DPYD: variants seen among roughly 807,000 people sequenced by gnomAD.
The protein encoded by DPYD is dihydropyrimidine dehydrogenase [NADP(+)].
Under a neutral mutation model 116.2 loss-of-function variants are expected in DPYD, and 109 were observed. The observed-to-expected ratio is 0.94, with a 90% CI of 0.80 to 1.10. The LOEUF (loss-of-function observed/expected upper bound fraction) is 1.10, where lower values mean the gene tolerates loss of function less well. Among genes scored for constraint, DPYD ranks in the 50% least tolerant of loss-of-function variants. The pLI, the probability that DPYD is intolerant of heterozygous loss-of-function variation, is 0.00. For missense variants in DPYD, 1,302 were observed against 1,254.5 expected, an observed-to-expected ratio of 1.04 and a Z score of -0.57; for synonymous variants, 440 against 432.0, an observed-to-expected ratio of 1.02 and a Z score of -0.23.
chr1:97,843,994 GA>G (rs1394631861), intron 2 of DPYD, among the ~76,000 whole-genome samples: 2 of 152,082 alleles, frequency 1.3e-5, no homozygotes, highest in African/African-American at 4.8e-5. Flanking sequence ...TACAGGGAAA[GA>G]AAGGAGAATA....
At chr1:97,342,208 C>G (rs1669622886) in intron 16 of DPYD, among the ~76,000 whole-genome samples, 1 of 152,138 alleles carries the variant, frequency 6.6e-6, no homozygotes, top group Non-Finnish European at 1.5e-5. Context: ...AAAAATAGTA[C>G]TTTTGCTTAA....
intron 19 of DPYD, among the ~76,000 whole-genome samples, chr1:97,207,677 A>T (rs370766755): frequency 6.6e-6 from 1 of 152,190 alleles, no homozygotes; most frequent in Non-Finnish European, 1.5e-5. Flanking sequence ...TCACACATAT[A>T]TATTAAAGCA....
chr1:97,315,254 T>C (rs1464551164), intron 16 of DPYD, among the ~76,000 whole-genome samples: 3 of 151,894 alleles, frequency 2.0e-5, no homozygotes, highest in African/African-American at 4.8e-5. Flanking sequence ...CTTCCTCCTT[T>C]AGGTGTGCCT....
intron 19 of DPYD, among the ~76,000 whole-genome samples, chr1:97,205,264 T>C (rs1379979118): frequency 1.3e-5 from 2 of 152,118 alleles, no homozygotes; most frequent in African/African-American, 4.8e-5. Context: ...TAGAGTTTTA[T>C]ACAGAATAGC....
chr1:97,362,354 T>A (rs1670780225), intron 16 of DPYD, among the ~76,000 whole-genome samples: 1 of 152,124 alleles, frequency 6.6e-6, no homozygotes, highest in African/African-American at 2.4e-5. Context: ...GAAGAATCAA[T>A]ATCGTGAAAA....
At chr1:97,497,271 T>C (rs1038611794) in intron 13 of DPYD, among the ~76,000 whole-genome samples, 4 of 151,966 alleles carry the variant, frequency 2.6e-5, no homozygotes, top group African/African-American at 9.7e-5. Context: ...CTTTGAACTA[T>C]ATATAAACAG....
chr1:97,251,573 C>T (rs917280021), intron 18 of DPYD, among the ~76,000 whole-genome samples: 3 of 151,910 alleles, frequency 2.0e-5, no homozygotes, highest in Non-Finnish European at 4.4e-5. Flanking sequence ...TGTTAATGTT[C>T]GTAATCTCCA....
intron 20 of DPYD, among the ~76,000 whole-genome samples, chr1:97,125,295 A>G (rs1445726902): frequency 6.6e-6 from 1 of 152,106 alleles, no homozygotes; most frequent in Non-Finnish European, 1.5e-5. Context: ...CTTGTTTTCA[A>G]AAGACTATCT....
intron 19 of DPYD, among the ~76,000 whole-genome samples, chr1:97,206,094 G>C (rs978844248): frequency 6.6e-6 from 1 of 151,708 alleles, no homozygotes; most frequent in Admixed American, 6.6e-5. Context: ...AGATGCATAG[G>C]GCAAGGTATG....
At chr1:97,464,530 T>G (rs145441064) in intron 13 of DPYD, among the ~76,000 whole-genome samples, 1 of 152,200 alleles carries the variant, frequency 6.6e-6, no homozygotes, top group Admixed American at 6.5e-5. Context: ...CTCTGCTGTG[T>G]GCAGTCTAGG....
chr1:97,245,896 A>G (rs592609), intron 18 of DPYD, among the ~76,000 whole-genome samples: 91,883 of 151,878 alleles, frequency 0.6, 27,974 homozygotes, highest in East Asian at 0.72. Flanking sequence ...TCTCAGCAAC[A>G]CATTCTCTTT....
intron 8 of DPYD, among the ~76,000 whole-genome samples, chr1:97,596,817 C>T (rs1156447690): frequency 3.9e-5 from 6 of 152,300 alleles, no homozygotes; most frequent in South Asian, 2.1e-4. Context: ...CCAGCATCCC[C>T]TGAATCTCCT....
intron 19 of DPYD, among the ~76,000 whole-genome samples, chr1:97,227,881 A>T (rs76868125): frequency 0.01 from 1,574 of 152,142 alleles, 31 homozygotes; most frequent in African/African-American, 0.037. Context: ...GATATACAAT[A>T]TTTTGTGAAC....
intron 16 of DPYD, among the ~76,000 whole-genome samples, chr1:97,353,763 G>A (rs898811978): frequency 4.6e-5 from 7 of 151,644 alleles, no homozygotes; most frequent in Non-Finnish European, 4.4e-5. Context: ...TGGACTTTTC[G>A]GTAGTATTTA....
intron 3 of DPYD, among the ~76,000 whole-genome samples, chr1:97,789,664 A>T (rs1370018606): frequency 6.6e-6 from 1 of 151,956 alleles, no homozygotes; most frequent in East Asian, 1.9e-4. Context: ...AGCCCATATG[A>T]CCTCATGCTG....
At position 97,920,940 on chromosome 1, in the gene DPYD, C is replaced by G. The variant is rs577136443; in HGVS notation, c.-18G>C. On this transcript the variant is annotated 5_prime_UTR_variant, in exon 1 of 23. Coordinates refer to ENST00000370192, the MANE Select transcript of DPYD (RefSeq NM_000110.4). ...GGGGCCATGGCAGTGCCTACAGTCT[C>G]GAGTCTGCCAGTGACAAACCCTCCT... is the stretch of plus-strand genomic sequence containing the variant. 110 of 1,579,060 alleles carry G rather than the reference C, an allele frequency of 7.0e-5. No homozygotes were observed. The highest frequency in any genetic ancestry group is 2.4e-4 in the African/African-American group (18 of 73,766).
chr1:97,795,437 TACTA>T (rs1052238665), intron 3 of DPYD, among the ~76,000 whole-genome samples: 31 of 152,058 alleles, frequency 2.0e-4, no homozygotes, highest in African/African-American at 4.6e-4. Context: ...TAGTAACTGA[TACTA>T]ACTGTTAGCT....
chr1:97,878,779 C>T (rs1052813736), intron 2 of DPYD, among the ~76,000 whole-genome samples: 3 of 151,924 alleles, frequency 2.0e-5, no homozygotes, highest in Non-Finnish European at 4.4e-5. Context: ...CTTAACTGTT[C>T]TTCCTTCAAA....
chr1:97,559,642 C>CA (rs1557798628), intron 11 of DPYD, among the ~76,000 whole-genome samples: 1 of 147,868 alleles, frequency 6.8e-6, no homozygotes. Flanking sequence ...CATCTTACGG[C>CA]TTTTTTTTTT....
Sources: allele counts gnomAD v4.1 joint callset (sites outside exome capture counted in the v4.1 genomes callset), GRCh38; gene constraint gnomAD v4.1.1; transcripts MANE v1.5; gene names NCBI Gene and HGNC (gene_info 2026-07-23, HGNC 2026-07-21).